Variants in USP44 observed in about 807,000 individuals in gnomAD.
USP44 encodes the protein ubiquitin carboxyl-terminal hydrolase 44.
Under a neutral mutation model 69.0 loss-of-function variants are expected in USP44, and 61 were observed. The ratio of observed to expected loss-of-function variants is 0.88; its 90% CI spans 0.72 to 1.09. The LOEUF (loss-of-function observed/expected upper bound fraction) is 1.09. Among genes scored for constraint, USP44 ranks in the 50% least tolerant of loss-of-function variants. The probability of loss-of-function intolerance (pLI) is 0.00; values close to 1 mark genes in which losing one functional copy is unlikely to be tolerated. For synonymous variants in USP44, 297 were observed against 295.4 expected, an observed-to-expected ratio of 1.01 and a Z score of -0.06; for missense variants, 753 against 849.9, an observed-to-expected ratio of 0.89 and a Z score of 1.42.
chr12:95,518,198 G>T lies in USP44; in HGVS notation c.2095C>A (p.Pro699Thr), dbSNP rs1446966901. 1 of 1,614,142 alleles carries T rather than the reference G, an allele frequency of 6.2e-7. No homozygotes were observed. The highest frequency in any genetic ancestry group is 8.5e-7 in the Non-Finnish European group (1 of 1,180,024). The change falls in exon 6 of 6, where the codon CCC (proline) becomes ACC (threonine). Residue 699 changes from proline to threonine, a missense_variant. By Grantham distance (38) the Pro-to-Thr change is conservative (BLOSUM62 -1). Coordinates refer to ENST00000258499, the MANE Select transcript of USP44 (RefSeq NM_032147.5). ...PPELLLGSQH[P>T]NEDADTSSNE... Reference sequence around the variant, plus strand: ...GACGAGGTATCAGCGTCTTCATTGGGATGTTGGCTCCCCAACAGGAGCTCT... The same window carrying T: ...GACGAGGTATCAGCGTCTTCATTGGTATGTTGGCTCCCCAACAGGAGCTCT...
chr12:95,550,036 G>T (rs1265066235), intron 1 of USP44, among the ~76,000 whole-genome samples: 1 of 151,840 alleles, frequency 6.6e-6, no homozygotes, highest in Non-Finnish European at 1.5e-5. Context: ...AAAATTATCC[G>T]GGCCTGGTGG....
At chr12:95,546,523 C>G (rs566327710) in intron 1 of USP44, 7 of 152,284 alleles carry the variant, frequency 4.6e-5, no homozygotes, top group African/African-American at 1.7e-4. Context: ...GCAAAACTGT[C>G]CCCCGTTACT....
At chr12:95,524,088 T>C (rs994820435) in intron 4 of USP44, among the ~76,000 whole-genome samples, 1 of 151,914 alleles carries the variant, frequency 6.6e-6, no homozygotes, top group African/African-American at 2.4e-5. Context: ...TGTACGTACA[T>C]ATGTATGTTT....
chr12:95,533,365 G>C lies in USP44; in HGVS notation c.892C>G (p.Arg298Gly). 2 of 1,612,904 alleles carry C rather than the reference G, an allele frequency of 1.2e-6. No homozygotes were observed. The highest frequency in any genetic ancestry group is 2.2e-5 in the East Asian group (1 of 44,856). ...AGATCAAGCTTTAAAAAACATTGTC[G>C]AAAAATAAGTAAATGACTCAACACC... ...LQVLSHLLIF[R>G]QCFLKLDLNQ... The change falls in exon 2 of 6, where the codon CGA becomes GGA. Residue 298 changes from arginine (R) to glycine (G), a missense_variant. Coordinates refer to ENST00000258499, the MANE Select transcript of USP44 (RefSeq NM_032147.5).
intron 1 of USP44, among the ~76,000 whole-genome samples, chr12:95,537,459 C>G (rs2140321754): frequency 6.6e-6 from 1 of 152,210 alleles, no homozygotes; most frequent in South Asian, 2.1e-4. Flanking sequence ...GCTGGGATTA[C>G]AGGCACACGT....
At chr12:95,537,601 G>A (rs1272260623) in intron 1 of USP44, among the ~76,000 whole-genome samples, 1 of 152,182 alleles carries the variant, frequency 6.6e-6, no homozygotes, top group Non-Finnish European at 1.5e-5. Flanking sequence ...ACAGTCATGA[G>A]CCACCACGCC....
chr12:95,546,796 G>T (rs1035648475), intron 1 of USP44: 2 of 152,152 alleles, frequency 1.3e-5, no homozygotes, highest in East Asian at 3.8e-4. Context: ...TTACACGGGG[G>T]TTTTTCCTCC....
intron 1 of USP44, among the ~76,000 whole-genome samples, chr12:95,541,953 C>A (rs542306418): frequency 2.9e-4 from 43 of 146,846 alleles, no homozygotes; most frequent in Admixed American, 9.7e-4. Flanking sequence ...GATCTTGGCT[C>A]ACTGCAACTT....
chr12:95,550,744 A>C (rs1042408470), intron 1 of USP44, among the ~76,000 whole-genome samples: 1 of 152,112 alleles, frequency 6.6e-6, no homozygotes, highest in Non-Finnish European at 1.5e-5. Context: ...GGGGTCTTTT[A>C]AGGACTAAAA....
chr12:95,532,962 A>G lies in USP44; in HGVS notation c.1295T>C (p.Leu432Ser). The G allele has an allele frequency of 6.2e-7, 1 of 1,614,204 alleles. No homozygotes were observed. The highest frequency in any genetic ancestry group is 8.5e-7 in the Non-Finnish European group (1 of 1,180,030). The change falls in exon 2 of 6, where the codon TTA becomes TCA. Residue 432 changes from leucine to serine, a missense_variant. Coordinates refer to ENST00000258499, the MANE Select transcript of USP44 (RefSeq NM_032147.5). Reference sequence around the variant, plus strand: ...CTCTAATTCACGTTGTATTTTATCTAAAAGTTCACAAAGAAATTCCTGAGC... The same window carrying G: ...CTCTAATTCACGTTGTATTTTATCTGAAAGTTCACAAAGAAATTCCTGAGC... ...QDAQEFLCEL[L>S]DKIQRELETT...
In USP44 at chr12:95,528,912, C is replaced by T; in HGVS notation, c.1519G>A (p.Gly507Arg). The T allele has an allele frequency of 6.2e-7, 1 of 1,613,992 alleles. No individual in the cohort carries two copies. The change falls in exon 3 of 6, where the codon GGA becomes AGA. Residue 507 changes from glycine (G) to arginine (R), a missense_variant. Physicochemically the swap from Gly to Arg is moderately radical, Grantham distance 125. Coordinates refer to ENST00000258499, the MANE Select transcript of USP44 (RefSeq NM_032147.5). The part of the protein sequence containing the change: ...LEFPERYQCS[G>R]KDIASQPCLV... ...CATGGCTGGGAAGCAATATCTTTTC[C>T]ACTGCATTGATACCTTTCTGGAAAC...
chr12:95,533,224 C>T lies in USP44; in HGVS notation c.1033G>A (p.Val345Ile), dbSNP rs565364368. 9.9e-6 allele frequency: 16 copies of T among 1,614,108 alleles called. No individual in the cohort carries two copies. The South Asian group carries it at 1.6e-4, about 17-fold the overall frequency. ...GACAGACTTGATTGTCTGGAGCAAACAAAACCTGTATCTTTTTCCTGACAT... is the reference window on the plus strand; with the variant it reads ...GACAGACTTGATTGTCTGGAGCAAATAAAACCTGTATCTTTTTCCTGACAT... ...NECQEKDTGF[V>I]CSRQSSLSSG... Residue 345 changes from valine (V) to isoleucine (I), a missense_variant, in exon 2 of 6, where the codon GTT becomes ATT. Transcript: ENST00000258499.
chr12:95,523,689 C>CAAAAA (rs927669685), intron 4 of USP44, among the ~76,000 whole-genome samples: 12 of 89,186 alleles, frequency 1.3e-4, no homozygotes, highest in African/African-American at 3.3e-4. Context: ...CTGTCTCTAC[C>CAAAAA]AAAAAAAAAA....
rs181331825 is a variant in USP44 at position 95,544,347 on chromosome 12, G to A, written c.-71+6925C>T. On this transcript the variant is annotated intron_variant, in intron 1 of 5. Transcript: ENST00000258499. ...TGGGAATACAGGTGTGAGCCACCGC[G>A]CCCAGCCAATTTTAGTTATCTTTGA... Among the ~76,000 whole-genome samples, 497 of 152,024 alleles carry A rather than the reference G, an allele frequency of 3.3e-3. 3 individuals are homozygous for A. Among genetic ancestry groups the A allele is most frequent in the African/African-American group, 0.011 (467 of 41,476 alleles).
chr12:95,531,897 G>A (rs1277716172), intron 2 of USP44, among the ~76,000 whole-genome samples: 1 of 152,140 alleles, frequency 6.6e-6, no homozygotes, highest in Admixed American at 6.6e-5. Flanking sequence ...TCACCAATAA[G>A]TCCACTCAGT....
At chr12:95,530,262 C>A (rs903247173) in intron 2 of USP44, among the ~76,000 whole-genome samples, 4 of 152,082 alleles carry the variant, frequency 2.6e-5, no homozygotes, top group Non-Finnish European at 4.4e-5. Context: ...AGTGCCAGGG[C>A]CAGACATTTT....
chr12:95,527,499 T>C lies in USP44; in HGVS notation c.1624+1308A>G, dbSNP rs570748143. Among the ~76,000 whole-genome samples, 6 of 152,268 alleles carry C rather than the reference T, an allele frequency of 3.9e-5. No homozygotes were observed. The South Asian group carries it at 1.2e-3, about 32-fold the overall frequency. On this transcript the variant is annotated intron_variant, in intron 3 of 5. Coordinates refer to ENST00000258499, the MANE Select transcript of USP44 (RefSeq NM_032147.5). Reference sequence around the variant, plus strand: ...ACACAGTAGATGTTTTTGTGTGTTTTTTTGAGACAGAGGCTTGTTCTGTCA... The same window carrying C: ...ACACAGTAGATGTTTTTGTGTGTTTCTTTGAGACAGAGGCTTGTTCTGTCA...
intron 1 of USP44, among the ~76,000 whole-genome samples, chr12:95,550,665 ACCATTCT>A: frequency 6.6e-6 from 1 of 152,144 alleles, no homozygotes; most frequent in African/African-American, 2.4e-5. Context: ...ATGCCATAAA[ACCATTCT>A]GGAAGGTCGT....
chr12:95,533,674 G>A lies in USP44; in HGVS notation c.583C>T (p.Gln195Ter). The A allele has an allele frequency of 6.2e-7, 1 of 1,613,828 alleles. No homozygotes were observed. Among genetic ancestry groups the A allele is most frequent in the Non-Finnish European group, 8.5e-7 (1 of 1,180,022 alleles). The change falls in exon 2 of 6, where the codon CAG becomes TAG. Residue 195 changes from glutamine to a stop codon, truncating the protein, a stop_gained. Transcript: ENST00000258499. LOFTEE classifies it high-confidence loss of function. ...VVKREVKKRRQELEYQVKAEL... is the reference protein window; with the variant it reads ...VVKREVKKRR The stretch of plus-strand genomic sequence containing the variant: ...GCTTTAACTTGATACTCCAATTCCT[G>A]CCGTCTTTTCTTTACTTCTCTTTTT...
Sources: allele counts gnomAD v4.1 joint callset (sites outside exome capture counted in the v4.1 genomes callset), GRCh38; gene constraint gnomAD v4.1.1; transcripts MANE v1.5; gene names NCBI Gene and HGNC (gene_info 2026-07-23, HGNC 2026-07-21).